The following RB1 variants were observed in gnomAD, a reference collection of about 807,000 sequenced individuals.
RB1 encodes the protein retinoblastoma-associated protein.
RB1 carries 18 observed loss-of-function variants against 135.4 expected under a neutral mutation model. The observed-to-expected ratio is 0.13, with a 90% CI of 0.09 to 0.20. RB1 has a LOEUF of 0.20. RB1 is among the 10% of genes least tolerant of loss of function. RB1 has a pLI of 1.00. For missense variants in RB1, 868 were observed against 1,110.0 expected, an observed-to-expected ratio of 0.78 and a Z score of 3.10; for synonymous variants, 365 against 373.2, an observed-to-expected ratio of 0.98 and a Z score of 0.25.
chr13:48,307,834 G>A (rs1240800193), intron 2 of RB1, among the ~76,000 whole-genome samples: 1 of 150,808 alleles, frequency 6.6e-6, no homozygotes, highest in East Asian at 1.9e-4. Flanking sequence ...CTGCACTCCA[G>A]CCTGGCAACA....
chr13:48,329,175 C>A (rs887761116), intron 2 of RB1, among the ~76,000 whole-genome samples: 1 of 152,086 alleles, frequency 6.6e-6, no homozygotes, highest in African/African-American at 2.4e-5. Flanking sequence ...ATAAACATTT[C>A]TACTTATGTT....
intron 17 of RB1, among the ~76,000 whole-genome samples, chr13:48,389,169 T>A (rs572078106): frequency 7.3e-5 from 11 of 150,618 alleles, no homozygotes; most frequent in Non-Finnish European, 1.5e-4. Context: ...AAAAATAAAA[T>A]AAAATAAAAT....
chr13:48,339,854 G>A (rs1014173532), intron 2 of RB1, among the ~76,000 whole-genome samples: 1 of 152,074 alleles, frequency 6.6e-6, no homozygotes, highest in Non-Finnish European at 1.5e-5. Context: ...TGAATCCAAT[G>A]ACTTTTTTAG....
At chr13:48,362,983 A>G in intron 8 of RB1, 26 bp downstream of exon 8, 1 of 1,605,138 alleles carries the variant, frequency 6.2e-7, no homozygotes, top group Non-Finnish European at 8.5e-7. Flanking sequence ...GATTTCTTTA[A>G]AACAGTTAAA....
intron 2 of RB1, among the ~76,000 whole-genome samples, chr13:48,325,442 A>G (rs1952279356): frequency 6.6e-6 from 1 of 152,140 alleles, no homozygotes; most frequent in South Asian, 2.1e-4. Context: ...ACTTATCTAC[A>G]CCTTTTAACA....
chr13:48,333,758 AG>A (rs1475168720), intron 2 of RB1, among the ~76,000 whole-genome samples: 5 of 151,164 alleles, frequency 3.3e-5, no homozygotes, highest in Non-Finnish European at 2.9e-5. Flanking sequence ...AGAGAGAAAA[AG>A]CCACTCTGTA....
intron 17 of RB1, among the ~76,000 whole-genome samples, chr13:48,440,715 T>G (rs1289036967): frequency 6.6e-6 from 1 of 152,086 alleles, no homozygotes; most frequent in East Asian, 1.9e-4. Context: ...AGATAAAGGG[T>G]TTTCTTTGTT....
At chr13:48,356,525 C>T (rs1952593325) in intron 6 of RB1, among the ~76,000 whole-genome samples, 1 of 151,892 alleles carries the variant, frequency 6.6e-6, no homozygotes, top group Admixed American at 6.6e-5. Context: ...TTATTTAAAG[C>T]AATATACTTT....
At chr13:48,306,050 A>T (rs2138031805) in intron 1 of RB1, among the ~76,000 whole-genome samples, 2 of 152,102 alleles carry the variant, frequency 1.3e-5, no homozygotes, top group Admixed American at 1.3e-4. Context: ...CAGGAGGATC[A>T]CATGAGCTTG....
chr13:48,351,433 GT>G (rs1049559404), intron 6 of RB1, among the ~76,000 whole-genome samples: 7 of 151,466 alleles, frequency 4.6e-5, no homozygotes, highest in Admixed American at 2.0e-4. Flanking sequence ...AGTGGGGTTG[GT>G]TTTTTTTCTC....
At chr13:48,347,095 C>A (rs1282978650) in intron 4 of RB1, among the ~76,000 whole-genome samples, 1 of 151,844 alleles carries the variant, frequency 6.6e-6, no homozygotes, top group Non-Finnish European at 1.5e-5. Context: ...GATAAGGAAT[C>A]TGCTTGGATA....
intron 18 of RB1, among the ~76,000 whole-genome samples, chr13:48,455,653 C>T (rs198576): frequency 0.78 from 118,957 of 152,158 alleles, 52,260 homozygotes; most frequent in Non-Finnish European, 0.97. Flanking sequence ...CAGCACAGAA[C>T]GATAATATTT....
At chr13:48,383,286 A>G (rs1352225394) in intron 17 of RB1, among the ~76,000 whole-genome samples, 3 of 152,102 alleles carry the variant, frequency 2.0e-5, no homozygotes, top group African/African-American at 7.2e-5. Flanking sequence ...TATATTGTCT[A>G]GGATTCTCTT....
intron 2 of RB1, among the ~76,000 whole-genome samples, chr13:48,335,505 G>A (rs1952375585): frequency 6.6e-6 from 1 of 151,948 alleles, no homozygotes; most frequent in Non-Finnish European, 1.5e-5. Context: ...CTATAAAACT[G>A]AGGTATTTTA....
intron 17 of RB1, among the ~76,000 whole-genome samples, chr13:48,426,109 AC>A (rs1362547203): frequency 6.6e-6 from 1 of 152,202 alleles, no homozygotes; most frequent in Non-Finnish European, 1.5e-5. Context: ...TTTTGACCTT[AC>A]CTTGGGCAAA....
chr13:48,435,398 C>T lies in RB1; in HGVS notation c.1696-17595C>T, dbSNP rs571405271. 5.3e-5 allele frequency among the ~76,000 whole-genome samples: 8 copies of T among 152,194 alleles called. No homozygotes were observed. In the East Asian group the frequency reaches 1.5e-3, roughly 29 times the overall value. The stretch of plus-strand genomic sequence containing the variant: ...TGAAATTTCTCTTCATGTCTTTGCT[C>T]ATTTTCTGATTGGATTGTTTGTTTT... On this transcript the variant is annotated intron_variant, in intron 17 of 26. Coordinates refer to ENST00000267163, the MANE Select transcript of RB1 (RefSeq NM_000321.3).
intron 17 of RB1, chr13:48,423,988 C>T (rs184760371): frequency 6.5e-6 from 1 of 152,698 alleles, no homozygotes; most frequent in Non-Finnish European, 1.5e-5. Context: ...TTATTCTAAA[C>T]TTACTTCAGT....
chr13:48,320,249 C>A (rs1952222579), intron 2 of RB1: 2 of 1,142,480 alleles, frequency 1.8e-6, no homozygotes, highest in South Asian at 2.8e-5. Flanking sequence ...GGCTTGGCGT[C>A]TGCCCTGTGG....
chr13:48,377,126 T>TATAC, intron 13 of RB1, 92 bp downstream of exon 13: 1 of 1,294,014 alleles, frequency 7.7e-7, no homozygotes, highest in Non-Finnish European at 1.1e-6. Context: ...TAACAGTATT[T>TATAC]GTCTAGTAGT....
Sources: gnomAD v4.1 joint callset for allele counts (sites outside exome capture counted in the v4.1 genomes callset) on GRCh38, gnomAD v4.1.1 for gene constraint, MANE v1.5 for transcripts, NCBI Gene and HGNC (gene_info 2026-07-23, HGNC 2026-07-21) for gene names.